Variants in DNAAF11 observed in about 807,000 individuals in gnomAD.
The protein encoded by DNAAF11 is dynein axonemal assembly factor 11, also known as leucine rich repeat containing 6.
In DNAAF11, 45 loss-of-function variants were observed where a neutral mutation model predicts 60.8. That is an observed-to-expected ratio of 0.74 (90% CI 0.58 to 0.95). The LOEUF (loss-of-function observed/expected upper bound fraction) is 0.95. Ranked by LOEUF, DNAAF11 falls within the 40% of genes least tolerant of loss-of-function variation. The pLI is 0.00. For missense variants in DNAAF11, 546 were observed against 546.2 expected (o/e 1.00, Z 0.00); for synonymous variants, 191 against 183.5 (o/e 1.04, Z -0.33).
chr8:132,579,808 G>A (rs561787152), intron 11 of DNAAF11, among the ~76,000 whole-genome samples: 2 of 152,078 alleles, frequency 1.3e-5, no homozygotes, highest in East Asian at 1.9e-4. Context: ...CAGCCTGGCC[G>A]ACATGGCAAA....
chr8:132,610,293 G>C, intron 9 of DNAAF11, 32 bp from the exon 10 acceptor site: 1 of 1,434,806 alleles, frequency 7.0e-7, no homozygotes, highest in Non-Finnish European at 9.8e-7. Context: ...GTATCATTGA[G>C]AGCAAGGACG....
Position 132,647,698 on chromosome 8 carries a change from A to G in DNAAF11, c.256+9132T>C, listed in dbSNP as rs539641763. ...AAGGGGATATCACCACCGATCCCACAGAAATTCAAACTACCATCAGAGAAT... is the reference window on the plus strand; with the variant it reads ...AAGGGGATATCACCACCGATCCCACGGAAATTCAAACTACCATCAGAGAAT... On this transcript the variant is annotated intron_variant, in intron 3 of 11. Transcript: ENST00000620350. Among the ~76,000 whole-genome samples the G allele has an allele frequency of 1.7e-3, 265 of 152,366 alleles. 1 individual carries two copies. Among genetic ancestry groups the G allele is most frequent in the Middle Eastern group, 3.4e-3 (1 of 294 alleles).
At chr8:132,616,079 T>G (rs758267931) in intron 7 of DNAAF11, among the ~76,000 whole-genome samples, 5 of 152,146 alleles carry the variant, frequency 3.3e-5, no homozygotes, top group Admixed American at 6.5e-5. Flanking sequence ...GATTGCTTAT[T>G]ACTTGTAAAG....
chr8:132,683,075 C>A, the DNAAF11 span, among the ~76,000 whole-genome samples: 1,084 of 152,260 alleles, frequency 7.1e-3, 6 homozygotes, highest in South Asian at 0.016. Flanking sequence ...GGGAAAAAAT[C>A]AAATCCACAT....
At chr8:132,672,018 T>G (rs1318554407) in intron 1 of DNAAF11, among the ~76,000 whole-genome samples, 1 of 151,988 alleles carries the variant, frequency 6.6e-6, no homozygotes, top group Non-Finnish European at 1.5e-5. Flanking sequence ...ACTTCAAAAT[T>G]TAAATCTTCT....
intron 10 of DNAAF11, among the ~76,000 whole-genome samples, chr8:132,595,317 T>C (rs2738438): frequency 1 from 116,059 of 116,060 alleles, 58,029 homozygotes; most frequent in Middle Eastern, 1. Context: ...TTGGAATTTT[T>C]TGTGTTCCCG....
the DNAAF11 span, among the ~76,000 whole-genome samples, chr8:132,689,734 CAG>C: frequency 2.0e-5 from 3 of 151,066 alleles, no homozygotes; most frequent in Non-Finnish European, 4.4e-5. Context: ...TATATATATA[CAG>C]AGAGAGAGAC....
At chr8:132,613,862 A>G (rs1210534592) in intron 8 of DNAAF11, among the ~76,000 whole-genome samples, 1 of 152,238 alleles carries the variant, frequency 6.6e-6, no homozygotes, top group East Asian at 1.9e-4. Flanking sequence ...AATGGGGCAC[A>G]TCAAAAGCCA....
the DNAAF11 span, among the ~76,000 whole-genome samples, chr8:132,681,546 T>G: frequency 6.6e-6 from 1 of 152,114 alleles, no homozygotes; most frequent in Non-Finnish European, 1.5e-5. Context: ...AGGGGTAACT[T>G]CTTTTTCCAT....
At chr8:132,587,855 G>GA (rs1816061375) in intron 10 of DNAAF11, among the ~76,000 whole-genome samples, 1 of 152,140 alleles carries the variant, frequency 6.6e-6, no homozygotes. Context: ...GAGGCAGTAC[G>GA]AGAGTTCACT....
At chr8:132,674,151 GAGGAGGAGAAGGAGA>G (rs1825507589) in intron 1 of DNAAF11, among the ~76,000 whole-genome samples, 1 of 107,362 alleles carries the variant, frequency 9.3e-6, no homozygotes, top group East Asian at 2.3e-4. Context: ...GGAGGAAGAG[GAGGAGGAGAAGGAGA>G]AGGAGGAGGA....
chr8:132,586,866 C>A (rs1815960334), intron 10 of DNAAF11, among the ~76,000 whole-genome samples: 1 of 152,126 alleles, frequency 6.6e-6, no homozygotes, highest in South Asian at 2.1e-4. Context: ...CAGGGCACTT[C>A]TTAATACATA....
At chr8:132,616,808 C>T (rs1819208445) in intron 7 of DNAAF11, among the ~76,000 whole-genome samples, 1 of 152,176 alleles carries the variant, frequency 6.6e-6, no homozygotes, top group Admixed American at 6.5e-5. Flanking sequence ...AAGGGCACTT[C>T]CTGCATGCAA....
intron 7 of DNAAF11, among the ~76,000 whole-genome samples, chr8:132,616,701 G>T (rs770149686): frequency 3.9e-5 from 6 of 152,272 alleles, no homozygotes; most frequent in Admixed American, 2.6e-4. Flanking sequence ...ACCCAGTGAT[G>T]TCAAACAGCT....
Position 132,625,365 on chromosome 8 carries a change from T to A in DNAAF11, c.743A>T (p.Glu248Val), listed in dbSNP as rs1313525221. The A allele has an allele frequency of 6.2e-7, 1 of 1,613,608 alleles. No individual in the cohort carries two copies. Among genetic ancestry groups the A allele is most frequent in the Admixed American group, 1.7e-5 (1 of 59,980 alleles). ...KKLDNSEDDL[E>V]FWNKPCLFTP... ...AAACAAACAGGGCTTATTCCAGAAT[T>A]CCAAGTCATCTTCACTGTTGTCTAA... The change falls in exon 6 of 12, where the codon GAA becomes GTA. Residue 248 changes from glutamate (E) to valine (V), a missense_variant. By Grantham distance (121) the Glu-to-Val change is moderately radical (BLOSUM62 -2). Transcript: ENST00000620350.
At position 132,615,043 on chromosome 8, in the gene DNAAF11, G is replaced by C; in HGVS notation, c.969C>G (p.Val323=). 6.3e-7 allele frequency: 1 copy of C among 1,592,592 alleles called. No homozygotes were observed. Among genetic ancestry groups the C allele is most frequent in the Admixed American group, 1.7e-5 (1 of 59,514 alleles). The change falls in exon 8 of 12, where the codon GTC becomes GTG. Residue 323 remains valine, a synonymous_variant. Transcript: ENST00000620350. Reference sequence around the variant, plus strand: ...TACGTAGAAAATGTCTTTACCTATAGACAGCAAGGTCCAGGATGATCTGCT... The same window carrying C: ...TACGTAGAAAATGTCTTTACCTATACACAGCAAGGTCCAGGATGATCTGCT... ...NEKQIILDLA[V]YRYMDTSLID...
chr8:132,695,397 G>T, the DNAAF11 span, among the ~76,000 whole-genome samples: 4 of 152,144 alleles, frequency 2.6e-5, no homozygotes, highest in African/African-American at 9.7e-5. Flanking sequence ...GGGCTGCAAT[G>T]CATGAGTGGT....
intron 4 of DNAAF11, among the ~76,000 whole-genome samples, chr8:132,636,142 C>A (rs548325453): frequency 5.9e-5 from 9 of 152,128 alleles, no homozygotes; most frequent in African/African-American, 2.2e-4. Flanking sequence ...AAGCAGCTCA[C>A]AAGCTTTCAA....
At chr8:132,623,693 T>C (rs1371814865) in intron 6 of DNAAF11, among the ~76,000 whole-genome samples, 47 of 152,294 alleles carry the variant, frequency 3.1e-4, no homozygotes. Context: ...CTATTGTACT[T>C]TTAATACAGA....
Sources: gnomAD v4.1 joint callset for allele counts (sites outside exome capture counted in the v4.1 genomes callset) on GRCh38, gnomAD v4.1.1 for gene constraint, MANE v1.5 for transcripts, NCBI Gene and HGNC (gene_info 2026-07-23, HGNC 2026-07-21) for gene names.